Variants in SH2B1 observed in about 807,000 individuals in gnomAD.
The protein encoded by SH2B1 is SH2B adaptor protein 1, also known as SH2B adapter protein 1.
Under a neutral mutation model 62.6 loss-of-function variants are expected in SH2B1, and 15 were observed. The ratio of observed to expected loss-of-function variants is 0.24; its 90% CI spans 0.16 to 0.37. The LOEUF is 0.37. Ranked by LOEUF, SH2B1 falls within the 10% of genes least tolerant of loss-of-function variation. The pLI is 1.00. For missense variants in SH2B1, 925 were observed against 1,015.6 expected (o/e 0.91, Z 1.21); for synonymous variants, 443 against 438.0 (o/e 1.01, Z -0.14).
In SH2B1 at chr16:28,873,503, C is replaced by T. The variant is rs942133281; in HGVS notation, c.1954C>T (p.Pro652Ser). Residue 652 changes from proline to serine, a missense_variant, in exon 8 of 8, where the codon CCC (proline) becomes TCC (serine). Transcript: ENST00000684370. The surrounding 1 kb of genome is among the most constrained non-coding windows in gnomAD (Gnocchi z 4.2). ...QPPEPPSWTD[P>S]PQPGAEEASR... ...CCCTGAACCCCCTTCATGGACAGATCCCCCACAGCCTGGGGCAGAAGAGGC... is the reference window on the plus strand; with the variant it reads ...CCCTGAACCCCCTTCATGGACAGATTCCCCACAGCCTGGGGCAGAAGAGGC... 1 of 1,584,024 alleles carries T rather than the reference C, an allele frequency of 6.3e-7. No homozygotes were observed. Among genetic ancestry groups the T allele is most frequent in the Admixed American group, 1.8e-5 (1 of 55,212 alleles).
At chr16:28,854,957 C>A (rs1567460404) in intron 1 of SH2B1, among the ~76,000 whole-genome samples, 1 of 151,946 alleles carries the variant, frequency 6.6e-6, no homozygotes, top group East Asian at 1.9e-4. Flanking sequence ...CTCACTGCAA[C>A]CTCCATCTCC....
chr16:28,847,816 C>CT (rs34950443), intron 1 of SH2B1, among the ~76,000 whole-genome samples: 2,328 of 84,262 alleles, frequency 0.028, 207 homozygotes, highest in East Asian at 0.049. Flanking sequence ...AAGACCCCAT[C>CT]TTTTTTTTTT....
chr16:28,852,031 C>A (rs1275469788), intron 1 of SH2B1, among the ~76,000 whole-genome samples: 1 of 148,534 alleles, frequency 6.7e-6, no homozygotes, highest in African/African-American at 2.5e-5. Context: ...TGTGCCACTG[C>A]ACTCCAACCT....
chr16:28,861,448 T>G (rs1962443523), upstream of SH2B1, among the ~76,000 whole-genome samples: 1 of 150,478 alleles, frequency 6.6e-6, no homozygotes, highest in Admixed American at 6.6e-5. Context: ...CATTTTTTTT[T>G]TTGAGACGGA....
rs1962638098 is a variant in SH2B1, at chr16:28,865,538, G to A, written c.-557G>A. 1.0e-6 allele frequency: 1 copy of A among 985,524 alleles called. No individual in the cohort carries two copies. The highest frequency in any genetic ancestry group is 1.7e-5 in the African/African-American group (1 of 57,228). 61.0% of individuals were successfully genotyped at this position (985,524 alleles called of 1,614,324 possible). ...CTGGGGACAGGGACTATGAAGTGGG[G>A]AAAACAGTAGACTTGGAGTTCTGAA... On this transcript the variant is annotated 5_prime_UTR_variant, in exon 1 of 8. Coordinates refer to ENST00000684370, the MANE Select transcript of SH2B1 (RefSeq NM_001387430.1).
intron 2 of SH2B1, among the ~76,000 whole-genome samples, chr16:28,868,358 T>G (rs1366573534): frequency 6.7e-6 from 1 of 150,064 alleles, no homozygotes; most frequent in Non-Finnish European, 1.5e-5. Flanking sequence ...GCTAGGATGG[T>G]CTCGATCTCC....
chr16:28,848,888 T>G (rs1021969511), intron 1 of SH2B1, among the ~76,000 whole-genome samples: 1 of 152,068 alleles, frequency 6.6e-6, no homozygotes, highest in Non-Finnish European at 1.5e-5. Context: ...GCCAGGCTGG[T>G]CTTGAACTCC....
At position 28,864,070 on chromosome 16, in the gene SH2B1, G is replaced by A; in HGVS notation, c.-2025G>A. The stretch of plus-strand genomic sequence containing the variant: ...GGGCCGGGGGCTGGAGAGGCACTCG[G>A]CCCCGGAGAGTGCAGCAGACAGGGC... On this transcript the variant is annotated 5_prime_UTR_variant, in exon 1 of 8. Coordinates refer to ENST00000684370, the MANE Select transcript of SH2B1 (RefSeq NM_001387430.1). The A allele has an allele frequency of 7.4e-7, 1 of 1,343,634 alleles. No homozygotes were observed. The highest frequency in any genetic ancestry group is 9.6e-7 in the Non-Finnish European group (1 of 1,042,776). 83.2% of individuals were successfully genotyped at this position (1,343,634 alleles called of 1,614,324 possible).
At position 28,852,725 on chromosome 16, in the gene SH2B1, TATATATATAC is replaced by T. The variant is rs1353422697; in HGVS notation, c.-301+5908_-301+5917del. On this transcript the variant is annotated intron_variant, in intron 1 of 10. Transcript: ENST00000322610. ...ATACATATATATTTACATATATATT[TATATATATAC>T]ATATATATATTTACATATATATGTA... Among the ~76,000 whole-genome samples the T allele has an allele frequency of 2.3e-4, 16 of 68,314 alleles. 2 individuals are homozygous for T. Among genetic ancestry groups the T allele is most frequent in the Admixed American group, 8.4e-4 (3 of 3,568 alleles). The allele number at this position is 68,314 out of a possible 152,430, so 44.8% of individuals were successfully genotyped here. A position where few individuals can be genotyped will look rare whatever the true frequency, so the allele number is the denominator to read the frequency against.
chr16:28,854,945 G>C (rs1376322902), intron 1 of SH2B1, among the ~76,000 whole-genome samples: 1 of 151,772 alleles, frequency 6.6e-6, no homozygotes, highest in Non-Finnish European at 1.5e-5. Context: ...GCACAATCTC[G>C]GCTCACTGCA....
In SH2B1 at chr16:28,866,660, C is replaced by T. The variant is rs1831543999; in HGVS notation, c.566C>T (p.Ser189Leu). 1 of 1,610,408 alleles carries T rather than the reference C, an allele frequency of 6.2e-7. No homozygotes were observed. The highest frequency in any genetic ancestry group is 1.1e-5 in the South Asian group (1 of 90,590). ...PSSAGPLETS[S>L]GPPVLGGNSN... ...TCCGCTGGGCCCCTGGAGACCTCGT[C>T]AGGCCCCCCAGTCTTAGGTGGAAAC... is the stretch of plus-strand genomic sequence containing the variant. The change falls in exon 1 of 8, where the codon TCA (serine) becomes TTA (leucine). Residue 189 changes from serine to leucine, a missense_variant. Ser to Leu is a moderately radical substitution (Grantham distance 145). Around this residue, in one of 3 missense-constraint regions of SH2B1, gnomAD observed 683 missense variants for 704.0 expected, o/e 0.97. Transcript: ENST00000684370. This position sits in a 1 kb window ranked among gnomAD's most constrained non-coding sequence, Gnocchi z 6.3.
Position 28,869,032 on chromosome 16 carries a change from G to A in SH2B1, c.1068G>A (p.Met356Ile), listed in dbSNP as rs770447023. ...VKVEGPSEYI[M>I]ETVDAQHVKA... Reference sequence around the variant, plus strand: ...TGGAAGGTCCATCCGAGTATATCATGGAGACAGTGGATGCCCAGCATGTGA... The same window carrying A: ...TGGAAGGTCCATCCGAGTATATCATAGAGACAGTGGATGCCCAGCATGTGA... The change falls in exon 3 of 8, where the codon ATG becomes ATA. Residue 356 changes from methionine (M) to isoleucine (I), a missense_variant. Physicochemically the swap from Met to Ile is conservative, Grantham distance 10 (BLOSUM62 1). Around this residue, in one of 3 missense-constraint regions of SH2B1, gnomAD observed 683 missense variants for 704.0 expected, o/e 0.97. Coordinates refer to ENST00000684370, the MANE Select transcript of SH2B1 (RefSeq NM_001387430.1). 3 of 1,613,988 alleles carry A rather than the reference G, an allele frequency of 1.9e-6. No individual in the cohort carries two copies. Among genetic ancestry groups the A allele is most frequent in the Non-Finnish European group, 2.5e-6 (3 of 1,179,990 alleles).
Position 28,864,697 on chromosome 16 carries a change from C to A in SH2B1, c.-1398C>A, listed in dbSNP as rs1962589920. 2.0e-6 allele frequency: 2 copies of A among 982,030 alleles called. No homozygotes were observed. Among genetic ancestry groups the A allele is most frequent in the Non-Finnish European group, 2.4e-6 (2 of 827,020 alleles). 60.8% of individuals were successfully genotyped at this position (982,030 alleles called of 1,614,324 possible). A position where few individuals can be genotyped will look rare whatever the true frequency, so the allele number is the denominator to read the frequency against. On this transcript the variant is annotated 5_prime_UTR_variant, in exon 1 of 8. Transcript: ENST00000684370. ...TTCCAGTATTGCGTGGCGGGAGGAG[C>A]GCTAACAAGAGCCAAGGGTTGTAAA... is the stretch of plus-strand genomic sequence containing the variant.
chr16:28,872,690 TC>T lies in SH2B1; in HGVS notation c.1885del (p.Gln629SerfsTer80). The T allele has an allele frequency of 1.2e-6, 2 of 1,614,028 alleles. No homozygotes were observed. The highest frequency in any genetic ancestry group is 1.7e-6 in the Non-Finnish European group (2 of 1,180,004). ...TGTCCTTGTCAGCTATGTCCCATCC[TC>T]CCAGCGACAGCAGGGTGAGCAGAGC... The part of the protein sequence containing the change: ...DVVLVSYVPS[S>X]QRQQEPTTSH... On this transcript the variant is annotated frameshift_variant, in exon 7 of 8. Transcript: ENST00000684370. LOFTEE classifies it high-confidence loss of function. This position sits in a 1 kb window ranked among gnomAD's most constrained non-coding sequence, Gnocchi z 5.3.
At chr16:28,861,196 G>A (rs984743213), upstream of SH2B1, among the ~76,000 whole-genome samples, 7 of 152,046 alleles carry the variant, frequency 4.6e-5, no homozygotes, top group Admixed American at 6.6e-5. Flanking sequence ...GCCGTGGGAC[G>A]ATTTTGGCTC....
rs1319302640 is a variant in SH2B1 at position 28,873,597 on chromosome 16, C to T, written c.2048C>T (p.Ala683Val). 1.3e-6 allele frequency: 2 copies of T among 1,560,052 alleles called. No individual in the cohort carries two copies. Among genetic ancestry groups the T allele is most frequent in the Admixed American group, 1.9e-5 (1 of 51,374 alleles). ...AAAGAGAGGCAAGAGAAAGAGAAAGCGGGCGGTGGAGGGGTCCCGGAAGAG... is the reference window on the plus strand; with the variant it reads ...AAAGAGAGGCAAGAGAAAGAGAAAGTGGGCGGTGGAGGGGTCCCGGAAGAG... ...AAKERQEKEK[A>V]GGGGVPEELV... Residue 683 changes from alanine to valine, a missense_variant, in exon 8 of 8, where the codon GCG (alanine) becomes GTG (valine). By Grantham distance (64) the Ala-to-Val change is moderately conservative (BLOSUM62 0). This residue lies in a region of SH2B1 where 185 missense variants were observed against 189.5 expected (regional missense o/e 0.98). Coordinates refer to ENST00000684370, the MANE Select transcript of SH2B1 (RefSeq NM_001387430.1). The surrounding 1 kb of genome is among the most constrained non-coding windows in gnomAD (Gnocchi z 4.2).
At chr16:28,860,919 C>T (rs79172792), upstream of SH2B1, among the ~76,000 whole-genome samples, 22 of 148,248 alleles carry the variant, frequency 1.5e-4, no homozygotes, top group East Asian at 6.0e-4. Context: ...CAGGTTCAAG[C>T]GATTCTCGTG....
intron 1 of SH2B1, among the ~76,000 whole-genome samples, chr16:28,852,207 C>CAT (rs200453189): frequency 3.6e-5 from 3 of 83,664 alleles, no homozygotes; most frequent in Admixed American, 1.4e-4. Flanking sequence ...TATATATTTA[C>CAT]ATATATATAT....
At chr16:28,852,223 TATATATTTAC>T (rs1962119642) in intron 1 of SH2B1, among the ~76,000 whole-genome samples, 2 of 91,594 alleles carry the variant, frequency 2.2e-5, no homozygotes, top group Non-Finnish European at 4.2e-5. Context: ...TATATTTACA[TATATATTTAC>T]ATATATATAT....
Sources: allele counts gnomAD v4.1 joint callset (sites outside exome capture counted in the v4.1 genomes callset), GRCh38; gene constraint gnomAD v4.1.1; regional missense constraint gnomAD v4.1.1; non-coding constraint Gnocchi (gnomAD v3.1); transcripts MANE v1.5; gene names NCBI Gene and HGNC (gene_info 2026-07-23, HGNC 2026-07-21).